OPCML: variants seen among roughly 807,000 people sequenced by gnomAD.
OPCML encodes opioid binding protein/cell adhesion molecule like, also known as opioid-binding protein/cell adhesion molecule.
Under a neutral mutation model 37.8 loss-of-function variants are expected in OPCML, and 13 were observed. The ratio of observed to expected loss-of-function variants is 0.34; its 90% CI spans 0.22 to 0.55. The LOEUF is 0.55. OPCML is among the 20% of genes least tolerant of loss of function. The pLI, the probability that OPCML is intolerant of heterozygous loss-of-function variation, is 0.91. For missense variants in OPCML, 341 were observed against 435.6 expected, an observed-to-expected ratio of 0.78 and a Z score of 1.93; for synonymous variants, 176 against 168.8, an observed-to-expected ratio of 1.04 and a Z score of -0.33.
chr11:133,470,406 G>A (rs1947077582), intron 1 of OPCML, among the ~76,000 whole-genome samples: 1 of 152,180 alleles, frequency 6.6e-6, no homozygotes, highest in Non-Finnish European at 1.5e-5. Context: ...GGTGGAGAAA[G>A]CCCCCAGAGA....
At chr11:132,582,983 C>G (rs1369683296) in intron 3 of OPCML, among the ~76,000 whole-genome samples, 1 of 151,484 alleles carries the variant, frequency 6.6e-6, no homozygotes, top group African/African-American at 2.4e-5. Context: ...GTAGCTGAGA[C>G]TATAGATGCA....
chr11:132,908,637 T>C (rs1944322323), intron 2 of OPCML, among the ~76,000 whole-genome samples: 1 of 152,216 alleles, frequency 6.6e-6, no homozygotes, highest in African/African-American at 2.4e-5. Context: ...CACCCCCGGA[T>C]TGACCACAGC....
intron 1 of OPCML, among the ~76,000 whole-genome samples, chr11:133,462,988 A>ATATT (rs1353171069): frequency 6.6e-6 from 1 of 152,114 alleles, no homozygotes; most frequent in Non-Finnish European, 1.5e-5. Flanking sequence ...ACACAATGAG[A>ATATT]TATTGTCCAT....
chr11:132,450,457 C>T (rs571579750), intron 4 of OPCML, among the ~76,000 whole-genome samples: 12 of 152,032 alleles, frequency 7.9e-5, no homozygotes, highest in Admixed American at 6.5e-5. Context: ...GGTGCCTCGA[C>T]GGTGGTGTCT....
At chr11:132,668,239 T>C (rs1565760613) in intron 2 of OPCML, among the ~76,000 whole-genome samples, 1 of 152,214 alleles carries the variant, frequency 6.6e-6, no homozygotes, top group African/African-American at 2.4e-5. Flanking sequence ...TCTAAGTTCA[T>C]ATTGACAATA....
At chr11:132,499,721 A>G (rs1251612310) in intron 4 of OPCML, among the ~76,000 whole-genome samples, 4 of 152,190 alleles carry the variant, frequency 2.6e-5, no homozygotes, top group Non-Finnish European at 5.9e-5. Flanking sequence ...CATTAGAACT[A>G]TGTCATAGAG....
chr11:133,395,748 T>G (rs1011104347), intron 1 of OPCML, among the ~76,000 whole-genome samples: 1 of 152,218 alleles, frequency 6.6e-6, no homozygotes, highest in African/African-American at 2.4e-5. Context: ...TCTATGTATC[T>G]GTTTTTGTGC....
At chr11:132,658,994 C>G (rs1316632797) in intron 2 of OPCML, among the ~76,000 whole-genome samples, 1 of 152,158 alleles carries the variant, frequency 6.6e-6, no homozygotes, top group African/African-American at 2.4e-5. Context: ...CAGTTACAGA[C>G]CTCAATCTGC....
chr11:132,530,937 CT>C (rs1469040331), intron 3 of OPCML, among the ~76,000 whole-genome samples: 1 of 152,192 alleles, frequency 6.6e-6, no homozygotes, highest in Non-Finnish European at 1.5e-5. Context: ...AACATCCTCT[CT>C]CCTCTGCCAT....
rs577845736 is a variant in OPCML at position 133,010,969 on chromosome 11, C to A, written c.62-67959G>T. Among the ~76,000 whole-genome samples, 3 of 152,268 alleles carry A rather than the reference C, an allele frequency of 2.0e-5. No individual in the cohort carries two copies. The East Asian group carries it at 5.8e-4, about 29-fold the overall frequency. On this transcript the variant is annotated intron_variant, in intron 1 of 7. Transcript: ENST00000524381. ...ATCAAACAGCTTGAAACAAAGTTAA[C>A]CCAAACTTAGGAAACATAATTGGTA...
chr11:132,855,914 A>G (rs978957010), intron 2 of OPCML, among the ~76,000 whole-genome samples: 2 of 152,246 alleles, frequency 1.3e-5, no homozygotes, highest in African/African-American at 2.4e-5. Context: ...TTGCATTTTT[A>G]AGAAGCCATA....
In OPCML at chr11:132,679,444, C is replaced by T. The variant is rs150342635; in HGVS notation, c.147-22125G>A. 1.5e-3 allele frequency among the ~76,000 whole-genome samples: 233 copies of T among 152,288 alleles called. 2 individuals carry two copies. Among genetic ancestry groups the T allele is most frequent in the African/African-American group, 5.0e-3 (209 of 41,568 alleles). ...AATAAAGTAGTGATACATTCTCCAA[C>T]GTGGATCAACCTTGAAAACACACTA... On this transcript the variant is annotated intron_variant, in intron 2 of 7. Coordinates refer to ENST00000524381, the MANE Select transcript of OPCML (RefSeq NM_001012393.5).
At chr11:133,108,546 G>A (rs10791283) in intron 1 of OPCML, among the ~76,000 whole-genome samples, 51,356 of 151,906 alleles carry the variant, frequency 0.34, 10,440 homozygotes, top group East Asian at 0.51. Context: ...AAATGGGAGC[G>A]TTAGGAATCT....
chr11:132,563,203 G>A (rs1228955978), intron 3 of OPCML, among the ~76,000 whole-genome samples: 1 of 152,148 alleles, frequency 6.6e-6, no homozygotes, highest in Non-Finnish European at 1.5e-5. Flanking sequence ...TGAGGCTTAT[G>A]CAGCCAGTCA....
chr11:133,377,256 G>GA (rs1309891922), intron 1 of OPCML, among the ~76,000 whole-genome samples: 2 of 152,170 alleles, frequency 1.3e-5, no homozygotes, highest in African/African-American at 4.8e-5. Context: ...CTCTGCGTGG[G>GA]AGGGTGTGTG....
At chr11:132,789,894 C>T (rs923571029) in intron 2 of OPCML, among the ~76,000 whole-genome samples, 6 of 152,078 alleles carry the variant, frequency 3.9e-5, no homozygotes, top group African/African-American at 1.4e-4. Context: ...ATCTAACACA[C>T]CTTATGCAGC....
chr11:133,377,369 A>G (rs933207329), intron 1 of OPCML, among the ~76,000 whole-genome samples: 2 of 152,042 alleles, frequency 1.3e-5, no homozygotes, highest in African/African-American at 4.8e-5. Context: ...CTGGAATGCT[A>G]AGAACTACAT....
intron 4 of OPCML, among the ~76,000 whole-genome samples, chr11:132,489,111 T>C (rs2096208453): frequency 6.6e-6 from 1 of 152,236 alleles, no homozygotes; most frequent in Non-Finnish European, 1.5e-5. Flanking sequence ...TTCCTTAAGC[T>C]TTTTCCAATT....
At chr11:133,314,912 A>G (rs1943168404) in intron 1 of OPCML, among the ~76,000 whole-genome samples, 1 of 152,240 alleles carries the variant, frequency 6.6e-6, no homozygotes, top group African/African-American at 2.4e-5. Context: ...AGCGTAACAG[A>G]TGAACATATC....
Sources: gnomAD v4.1 joint callset for allele counts (sites outside exome capture counted in the v4.1 genomes callset) on GRCh38, gnomAD v4.1.1 for gene constraint, MANE v1.5 for transcripts, NCBI Gene and HGNC (gene_info 2026-07-23, HGNC 2026-07-21) for gene names.